GOLGA6L10: variants seen among roughly 807,000 people sequenced by gnomAD.
GOLGA6L10 encodes golgin A6 family like 10, also known as golgin subfamily A member 6-like protein 10.
A neutral mutation model predicts 56.9 loss-of-function variants in GOLGA6L10; 4 were observed. The observed-to-expected ratio is 0.07, with a 90% confidence interval of 0.03 to 0.16. The LOEUF is 0.16. Ranked by LOEUF, GOLGA6L10 falls within the 10% of genes least tolerant of loss-of-function variation. The probability of loss-of-function intolerance (pLI) is 1.00; values close to 1 mark genes in which losing one functional copy is unlikely to be tolerated. For synonymous variants in GOLGA6L10, 11 were observed against 220.9 expected (o/e 0.05, Z 8.43); for missense variants, 34 against 558.3 (o/e 0.06, Z 9.46).
intron 1 of GOLGA6L10, among the ~76,000 whole-genome samples, chr15:82,347,975 A>G (rs2075697803): frequency 6.6e-6 from 1 of 152,218 alleles, no homozygotes; most frequent in East Asian, 1.9e-4. Context: ...GTTTAGAGTC[A>G]TACATCCTCA....
At position 82,340,511 on chromosome 15, in the gene GOLGA6L10, G is replaced by C. The variant is rs1161058700; in HGVS notation, c.*2265C>G. Reference sequence around the variant, plus strand: ...GTATTTTGATTCTTTACTTCCTACAGAAATTCAAATTTATTCAGTCAAACT... The same window carrying C: ...GTATTTTGATTCTTTACTTCCTACACAAATTCAAATTTATTCAGTCAAACT... On this transcript the variant is annotated 3_prime_UTR_variant, in exon 9 of 9. Transcript: ENST00000610657. 1 of 150,996 alleles carries C rather than the reference G, an allele frequency of 6.6e-6. No homozygotes were observed. Among genetic ancestry groups the C allele is most frequent in the African/African-American group, 2.4e-5 (1 of 41,274 alleles). The allele number at this position is 150,996 out of a possible 1,614,324, so 9.4% of individuals were successfully genotyped here.
rs1350850545 is a variant in GOLGA6L10, at chr15:82,340,751, C to T, written c.*2025G>A. On this transcript the variant is annotated 3_prime_UTR_variant, in exon 9 of 9. Transcript: ENST00000610657. Reference sequence around the variant, plus strand: ...TTTTCTTAAACATATGACAAAATACCTACACAGAGAGTGGTATTTGAGTTA... The same window carrying T: ...TTTTCTTAAACATATGACAAAATACTTACACAGAGAGTGGTATTTGAGTTA... The T allele has an allele frequency of 6.7e-5, 10 of 149,952 alleles. No homozygotes were observed. Among genetic ancestry groups the T allele is most frequent in the African/African-American group, 2.2e-4 (9 of 41,064 alleles). The allele number at this position is 149,952 out of a possible 1,614,324, so 9.3% of individuals were successfully genotyped here.
At chr15:82,348,163 C>T (rs1407851075) in intron 1 of GOLGA6L10, among the ~76,000 whole-genome samples, 1 of 152,182 alleles carries the variant, frequency 6.6e-6, no homozygotes, top group African/African-American at 2.4e-5. Flanking sequence ...TCTGTCATCC[C>T]CAAGTACATT....
At chr15:82,343,493 T>C (rs2075655695) in intron 7 of GOLGA6L10, among the ~76,000 whole-genome samples, 1 of 151,662 alleles carries the variant, frequency 6.6e-6, no homozygotes, top group Non-Finnish European at 1.5e-5. Flanking sequence ...GTGTGCTACA[T>C]GCCTAATGTT....
chr15:82,347,140 C>T, intron 2 of GOLGA6L10: 1 of 1,425,374 alleles, frequency 7.0e-7, no homozygotes, highest in Non-Finnish European at 9.1e-7. Flanking sequence ...CTGGCTTCCC[C>T]TTGAGACTGG....
rs1567111983 is a variant in GOLGA6L10 at position 82,344,871 on chromosome 15, T to C, written c.989A>G (p.Glu330Gly). 6.5e-7 allele frequency: 1 copy of C among 1,548,906 alleles called. No homozygotes were observed. The highest frequency in any genetic ancestry group is 1.4e-5 in the African/African-American group (1 of 73,086). Residue 330 changes from glutamate (E) to glycine (G), a missense_variant, in exon 6 of 9, where the codon GAG becomes GGG. Physicochemically the swap from Glu to Gly is moderately conservative, Grantham distance 98. Transcript: ENST00000610657. Reference sequence around the variant, plus strand: ...CTTCTCCACCTCTTCCAGCAGCCTCTCCTGCCCTGGCAGCTTCTCCTGTTC... The same window carrying C: ...CTTCTCCACCTCTTCCAGCAGCCTCCCCTGCCCTGGCAGCTTCTCCTGTTC... ...LCEQEKLPGQ[E>G]RLLEEVEKLL...
intron 1 of GOLGA6L10, among the ~76,000 whole-genome samples, chr15:82,348,032 A>G (rs1474126699): frequency 2.6e-5 from 4 of 152,018 alleles, no homozygotes; most frequent in Non-Finnish European, 5.9e-5. Context: ...TCACACTTTC[A>G]TATCAATGTG....
chr15:82,344,781 T>G lies in GOLGA6L10; in HGVS notation c.1079A>C (p.Asp360Ala), dbSNP rs1304375622. Residue 360 changes from aspartate to alanine, a missense_variant, in exon 6 of 9, where the codon GAC (aspartate) becomes GCC (alanine). Asp to Ala is a moderately radical substitution (Grantham distance 126). Transcript: ENST00000610657. ...ERLLERERLL[D>A]EVEELLEQER... ...CTGCTCCAGGAGCTCCTCCACCTCG[T>G]CCAGCAGCCTCTCCCTCTCCAGCAG... The G allele has an allele frequency of 6.5e-7, 1 of 1,549,714 alleles. No homozygotes were observed. The highest frequency in any genetic ancestry group is 1.9e-5 in the Admixed American group (1 of 52,000).
chr15:82,340,173 A>G lies in GOLGA6L10; in HGVS notation c.*2603T>C, dbSNP rs1290209571. Reference sequence around the variant, plus strand: ...GAAAACTTGGCAAATACAGCTTTGGACTGGAATTGGCATTTCTTTCTCTAC... The same window carrying G: ...GAAAACTTGGCAAATACAGCTTTGGGCTGGAATTGGCATTTCTTTCTCTAC... On this transcript the variant is annotated 3_prime_UTR_variant, in exon 9 of 9. Coordinates refer to ENST00000610657, the MANE Select transcript of GOLGA6L10 (RefSeq NM_001164465.3). 1 of 151,590 alleles carries G rather than the reference A, an allele frequency of 6.6e-6. No individual in the cohort carries two copies. Among genetic ancestry groups the G allele is most frequent in the Non-Finnish European group, 1.5e-5 (1 of 67,756 alleles). 9.4% of individuals were successfully genotyped at this position (151,590 alleles called of 1,614,324 possible). A position where few individuals can be genotyped will look rare whatever the true frequency, so the allele number is the denominator to read the frequency against.
intron 7 of GOLGA6L10, among the ~76,000 whole-genome samples, chr15:82,344,024 T>C (rs2075658873): frequency 6.6e-6 from 1 of 150,422 alleles, no homozygotes; most frequent in Non-Finnish European, 1.5e-5. Flanking sequence ...GGGGGCTCCA[T>C]GCCTCTAGCT....
rs1207325670 is a variant in GOLGA6L10, at chr15:82,340,549, TTC to T, written c.*2225_*2226del. ...ATTCAGTCAAACTCACATTTTAAAA[TTC>T]TCTCTTTCTGCTGAACTCTAACCTT... is the stretch of plus-strand genomic sequence containing the variant. On this transcript the variant is annotated 3_prime_UTR_variant, in exon 9 of 9. Coordinates refer to ENST00000610657, the MANE Select transcript of GOLGA6L10 (RefSeq NM_001164465.3). 2.6e-5 allele frequency: 4 copies of T among 151,368 alleles called. No individual in the cohort carries two copies. The highest frequency in any genetic ancestry group is 1.5e-5 in the Non-Finnish European group (1 of 67,754). 9.4% of individuals were successfully genotyped at this position (151,368 alleles called of 1,614,324 possible). A position where few individuals can be genotyped will look rare whatever the true frequency, so the allele number is the denominator to read the frequency against.
At chr15:82,345,487 C>A in intron 5 of GOLGA6L10, 61 bp from the exon 6 acceptor site, 1 of 1,551,494 alleles carries the variant, frequency 6.4e-7, no homozygotes. Flanking sequence ...AAAAATCCTC[C>A]CTTTGGTGCA....
chr15:82,347,759 T>G, intron 1 of GOLGA6L10, 130 bp from the exon 2 acceptor site: 1 of 1,584,074 alleles, frequency 6.3e-7, no homozygotes. Context: ...TACAAGGTGT[T>G]GTCACAATCA....
In GOLGA6L10 at chr15:82,344,033, C is replaced by A. The variant is rs1206748789; in HGVS notation, c.1333+228G>T. Among the ~76,000 whole-genome samples the A allele has an allele frequency of 1.0e-4, 15 of 150,434 alleles. 1 individual carries two copies. Among genetic ancestry groups the A allele is most frequent in the Non-Finnish European group, 1.6e-4 (11 of 68,038 alleles). Reference sequence around the variant, plus strand: ...TGATTGGGGGGCTCCATGCCTCTAGCTGGGATGATGATGATGTCCAGACCT... The same window carrying A: ...TGATTGGGGGGCTCCATGCCTCTAGATGGGATGATGATGATGTCCAGACCT... On this transcript the variant is annotated intron_variant, in intron 7 of 8. Transcript: ENST00000610657.
chr15:82,340,335 G>T lies in GOLGA6L10; in HGVS notation c.*2441C>A, dbSNP rs1221413381. The T allele has an allele frequency of 1.3e-5, 2 of 151,334 alleles. No homozygotes were observed. The highest frequency in any genetic ancestry group is 2.4e-5 in the African/African-American group (1 of 41,316). The allele number at this position is 151,334 out of a possible 1,614,324, so 9.4% of individuals were successfully genotyped here. A position where few individuals can be genotyped will look rare whatever the true frequency, so the allele number is the denominator to read the frequency against. On this transcript the variant is annotated 3_prime_UTR_variant, in exon 9 of 9. Coordinates refer to ENST00000610657, the MANE Select transcript of GOLGA6L10 (RefSeq NM_001164465.3). ...AGTGACTGTAAGATAAAGTTTTAGA[G>T]AATCTATTTTGGATAGGGTTGATTT... is the stretch of plus-strand genomic sequence containing the variant.
Position 82,340,049 on chromosome 15 carries a change from A to G in GOLGA6L10, c.*2727T>C, listed in dbSNP as rs2075634214. 6.6e-6 allele frequency: 1 copy of G among 151,524 alleles called. No homozygotes were observed. The highest frequency in any genetic ancestry group is 1.5e-5 in the Non-Finnish European group (1 of 67,660). The allele number at this position is 151,524 out of a possible 1,614,324, so 9.4% of individuals were successfully genotyped here. ...TAATAATTTATTACATTACAGTAGC[A>G]TCACAGAAGCAGTCAATAATGCCAC... On this transcript the variant is annotated 3_prime_UTR_variant, in exon 9 of 9. Transcript: ENST00000610657.
chr15:82,343,918 C>G (rs1045554101), intron 7 of GOLGA6L10, among the ~76,000 whole-genome samples: 1 of 146,092 alleles, frequency 6.8e-6, no homozygotes, highest in East Asian at 2.0e-4. Context: ...AAGTGATTGT[C>G]CTGCCTCAGC....
At chr15:82,347,864 C>G (rs1347420959) in intron 1 of GOLGA6L10, among the ~76,000 whole-genome samples, 1 of 147,834 alleles carries the variant, frequency 6.8e-6, no homozygotes. Context: ...TCTGACTCCA[C>G]GCTCTGGGGT....
At position 82,340,684 on chromosome 15, in the gene GOLGA6L10, A is replaced by C. The variant is rs1444659318; in HGVS notation, c.*2092T>G. The C allele has an allele frequency of 1.3e-5, 2 of 151,052 alleles. No individual in the cohort carries two copies. The highest frequency in any genetic ancestry group is 2.1e-4 in the South Asian group (1 of 4,722). 9.4% of individuals were successfully genotyped at this position (151,052 alleles called of 1,614,324 possible). Reference sequence around the variant, plus strand: ...CAAGAGACTGCATGCACTTTGAAGAAAGACTTGAGTTATTGTCATAGGATT... The same window carrying C: ...CAAGAGACTGCATGCACTTTGAAGACAGACTTGAGTTATTGTCATAGGATT... On this transcript the variant is annotated 3_prime_UTR_variant, in exon 9 of 9. Transcript: ENST00000610657.
Sources: allele counts gnomAD v4.1 joint callset (sites outside exome capture counted in the v4.1 genomes callset), GRCh38; gene constraint gnomAD v4.1.1; transcripts MANE v1.5; gene names NCBI Gene and HGNC (gene_info 2026-07-23, HGNC 2026-07-21).